The following PMFBP1 variants were observed in gnomAD, a reference collection of about 807,000 sequenced individuals.
The protein encoded by PMFBP1 is polyamine modulated factor 1 binding protein 1, also known as polyamine-modulated factor 1-binding protein 1.
PMFBP1 carries 131 observed loss-of-function variants against 137.8 expected under a neutral mutation model. That is an observed-to-expected ratio of 0.95 (90% CI 0.82 to 1.10). PMFBP1 has a LOEUF of 1.10. PMFBP1 is among the 50% of genes least tolerant of loss of function. The pLI is 0.00. For missense variants in PMFBP1, 1,199 were observed against 1,175.4 expected, an observed-to-expected ratio of 1.02 and a Z score of -0.29; for synonymous variants, 490 against 450.4, an observed-to-expected ratio of 1.09 and a Z score of -1.11.
the PMFBP1 span, among the ~76,000 whole-genome samples, chr16:72,219,521 T>C: frequency 6.6e-6 from 1 of 150,758 alleles, no homozygotes; most frequent in Non-Finnish European, 1.5e-5. Flanking sequence ...AAGACTGATG[T>C]CTGGTGCCTA....
chr16:72,120,118 T>A (rs952218097), intron 19 of PMFBP1, 29 bp from the exon 20 acceptor site: 2 of 1,613,986 alleles, frequency 1.2e-6, no homozygotes, highest in African/African-American at 2.7e-5. Context: ...GGACGGGTTG[T>A]GTTGGGGCTG....
At chr16:72,243,327 G>A in the PMFBP1 span, among the ~76,000 whole-genome samples, 3 of 152,188 alleles carry the variant, frequency 2.0e-5, no homozygotes, top group Admixed American at 6.5e-5. Context: ...CCTTCTGCAC[G>A]TGGATGCTGC....
At chr16:72,195,136 T>A in the PMFBP1 span, among the ~76,000 whole-genome samples, 1 of 152,168 alleles carries the variant, frequency 6.6e-6, no homozygotes, top group Admixed American at 6.6e-5. Flanking sequence ...CAGCTGTCAA[T>A]GTCTCCAGGG....
At chr16:72,129,021 C>G in intron 13 of PMFBP1, 45 bp downstream of exon 13, 2 of 1,598,676 alleles carry the variant, frequency 1.3e-6, no homozygotes, top group South Asian at 2.3e-5. Flanking sequence ...GGTCATGTCC[C>G]GCTCTGGATT....
At chr16:72,202,375 G>T in the PMFBP1 span, among the ~76,000 whole-genome samples, 1 of 152,088 alleles carries the variant, frequency 6.6e-6, no homozygotes, top group Non-Finnish European at 1.5e-5. Context: ...ATGGGATCTT[G>T]CTATGTTGCC....
chr16:72,148,934 G>C (rs1158092509), intron 5 of PMFBP1, among the ~76,000 whole-genome samples: 1 of 152,186 alleles, frequency 6.6e-6, no homozygotes, highest in African/African-American at 2.4e-5. Context: ...ATGACATGGA[G>C]GCTTAAAGGC....
At chr16:72,154,775 T>C (rs1567637066) in intron 3 of PMFBP1, among the ~76,000 whole-genome samples, 1 of 152,146 alleles carries the variant, frequency 6.6e-6, no homozygotes, top group Non-Finnish European at 1.5e-5. Flanking sequence ...TGCTGAGGTG[T>C]TGCCTTCCCA....
At chr16:72,141,086 C>T (rs1003668349) in intron 5 of PMFBP1, among the ~76,000 whole-genome samples, 9 of 152,098 alleles carry the variant, frequency 5.9e-5, no homozygotes, top group South Asian at 2.1e-4. Context: ...AGGCATGTGC[C>T]ACCATGCCGG....
At chr16:72,182,181 T>C in the PMFBP1 span, among the ~76,000 whole-genome samples, 1 of 152,098 alleles carries the variant, frequency 6.6e-6, no homozygotes, top group African/African-American at 2.4e-5. Context: ...CTCACAGGTA[T>C]TCTAGAAGAG....
At chr16:72,141,959 T>G (rs1189344701) in intron 5 of PMFBP1, among the ~76,000 whole-genome samples, 1 of 151,530 alleles carries the variant, frequency 6.6e-6, no homozygotes, top group African/African-American at 2.4e-5. Context: ...CGAAGGTTAC[T>G]GCCCTCTTAT....
At chr16:72,197,034 A>G in the PMFBP1 span, among the ~76,000 whole-genome samples, 1 of 152,186 alleles carries the variant, frequency 6.6e-6, no homozygotes, top group Non-Finnish European at 1.5e-5. Context: ...CAAGCAGCCC[A>G]GTGACTCTAA....
chr16:72,238,439 G>A, the PMFBP1 span, among the ~76,000 whole-genome samples: 1 of 152,192 alleles, frequency 6.6e-6, no homozygotes, highest in African/African-American at 2.4e-5. Flanking sequence ...TTGGCTGCAT[G>A]TATGCATGTA....
the PMFBP1 span, among the ~76,000 whole-genome samples, chr16:72,189,062 C>A: frequency 6.8e-6 from 1 of 146,430 alleles, no homozygotes; most frequent in Admixed American, 6.8e-5. Context: ...TTAGTGTTGA[C>A]TTTTTTTTTT....
chr16:72,167,620 C>T (rs1465386851), intron 2 of PMFBP1, among the ~76,000 whole-genome samples: 2 of 152,124 alleles, frequency 1.3e-5, no homozygotes, highest in African/African-American at 4.8e-5. Flanking sequence ...CTGTGGTCAC[C>T]ACACTGGGAA....
At chr16:72,202,192 G>C in the PMFBP1 span, among the ~76,000 whole-genome samples, 2 of 152,126 alleles carry the variant, frequency 1.3e-5, no homozygotes, top group African/African-American at 4.8e-5. Flanking sequence ...GGACAGGTGG[G>C]TTTAGACACT....
the PMFBP1 span, among the ~76,000 whole-genome samples, chr16:72,197,898 T>C: frequency 6.6e-6 from 1 of 152,112 alleles, no homozygotes; most frequent in Non-Finnish European, 1.5e-5. Flanking sequence ...GCAGCTAAGA[T>C]TCCAACTTGT....
chr16:72,202,182 G>A, the PMFBP1 span, among the ~76,000 whole-genome samples: 1 of 152,156 alleles, frequency 6.6e-6, no homozygotes, highest in Non-Finnish European at 1.5e-5. Context: ...GGATCTTAAA[G>A]GACAGGTGGG....
chr16:72,208,168 TA>T, the PMFBP1 span, among the ~76,000 whole-genome samples: 1 of 152,158 alleles, frequency 6.6e-6, no homozygotes, highest in African/African-American at 2.4e-5. Context: ...ACACCCAAGA[TA>T]ATGTGTGGCC....
rs1336799155 is a variant in PMFBP1, at chr16:72,128,704, T to C, written c.2041A>G (p.Asn681Asp). ...ACTTGCTGGCTGGTGTTGTATTTGT[T>C]GAGAGAGGATTCCAGTTGTGTAGAA... ...CCSTQLESSL[N>D]KYNTSQQVIQ... Residue 681 changes from asparagine (N) to aspartate (D), a missense_variant, in exon 14 of 21, where the codon AAC (asparagine) becomes GAC (aspartate). Coordinates refer to ENST00000237353, the MANE Select transcript of PMFBP1 (RefSeq NM_031293.3). 4 of 1,614,218 alleles carry C rather than the reference T, an allele frequency of 2.5e-6. No individual in the cohort carries two copies. The highest frequency in any genetic ancestry group is 1.6e-4 in the Middle Eastern group (1 of 6,062).
Sources: gnomAD v4.1 joint callset for allele counts (sites outside exome capture counted in the v4.1 genomes callset) on GRCh38, gnomAD v4.1.1 for gene constraint, MANE v1.5 for transcripts, NCBI Gene and HGNC (gene_info 2026-07-23, HGNC 2026-07-21) for gene names.